PKNOX2: variants seen among roughly 807,000 people sequenced by gnomAD.
PKNOX2 encodes PBX/knotted 1 homeobox 2.
In PKNOX2, 14 loss-of-function variants were observed where a neutral mutation model predicts 53.1. The observed-to-expected ratio is 0.26, with a 90% CI of 0.17 to 0.41. PKNOX2 has a LOEUF of 0.41. Ranked by LOEUF, PKNOX2 falls within the 10% of genes least tolerant of loss-of-function variation. PKNOX2 has a pLI of 1.00. For missense variants in PKNOX2, 496 were observed against 602.8 expected (o/e 0.82, Z 1.85); for synonymous variants, 257 against 242.8 (o/e 1.06, Z -0.54).
chr11:125,286,586 G>T (rs1358988310), intron 2 of PKNOX2, among the ~76,000 whole-genome samples: 1 of 152,206 alleles, frequency 6.6e-6, no homozygotes, highest in East Asian at 1.9e-4. Flanking sequence ...CAGGGAGAAG[G>T]GGTGCTGAGC....
At chr11:125,237,841 C>T (rs117524134) in intron 2 of PKNOX2, among the ~76,000 whole-genome samples, 2 of 152,314 alleles carry the variant, frequency 1.3e-5, no homozygotes, top group East Asian at 1.9e-4. Flanking sequence ...CAGGACTCCA[C>T]AAGCCTTGAG....
intron 1 of PKNOX2, among the ~76,000 whole-genome samples, chr11:125,210,254 C>T (rs1031557605): frequency 6.6e-6 from 1 of 152,104 alleles, no homozygotes; most frequent in African/African-American, 2.4e-5. Flanking sequence ...CTGAATTTTG[C>T]TCTTTGTGTC....
rs201213983 is a variant in PKNOX2, at chr11:125,367,939, A to C, written c.181A>C (p.Ile61Leu). The C allele has an allele frequency of 1.3e-4, 207 of 1,613,270 alleles. 2 individuals are homozygous for C. In the Middle Eastern group the frequency reaches 1.8e-3, roughly 14 times the overall value. The change falls in exon 5 of 13, where the codon ATC becomes CTC. Residue 61 changes from isoleucine (I) to leucine (L), a missense_variant. Coordinates refer to ENST00000298282, the MANE Select transcript of PKNOX2 (RefSeq NM_001382323.2). ...AASTPVPSAP[I>L]DPQAQLEADK... Reference sequence around the variant, plus strand: ...CAGCACACCTGTGCCCAGTGCCCCCATCGACCCCCAGGCCCAGCTGGAGGC... The same window carrying C: ...CAGCACACCTGTGCCCAGTGCCCCCCTCGACCCCCAGGCCCAGCTGGAGGC...
intron 1 of PKNOX2, among the ~76,000 whole-genome samples, chr11:125,208,347 C>T (rs1203630512): frequency 6.6e-6 from 1 of 152,036 alleles, no homozygotes; most frequent in African/African-American, 2.4e-5. Flanking sequence ...GGGACCATGT[C>T]TTGGGAGGTT....
At chr11:125,403,352 G>C (rs1049628867) in intron 7 of PKNOX2, among the ~76,000 whole-genome samples, 1 of 152,128 alleles carries the variant, frequency 6.6e-6, no homozygotes, top group African/African-American at 2.4e-5. Context: ...GTCAGGGCTG[G>C]AGACACGCTG....
chr11:125,226,556 C>T (rs566667099), intron 1 of PKNOX2, among the ~76,000 whole-genome samples: 2 of 152,210 alleles, frequency 1.3e-5, no homozygotes, highest in South Asian at 2.1e-4. Context: ...CCTGTCTACA[C>T]CCTTTCCAAC....
In PKNOX2 at chr11:125,248,904, ACG is replaced by A. The variant is rs897244669; in HGVS notation, c.-130+13790_-130+13791del. Among the ~76,000 whole-genome samples, 132 of 117,982 alleles carry A rather than the reference ACG, an allele frequency of 1.1e-3. 1 individual carries two copies. The East Asian group carries it at 0.025, about 22-fold the overall frequency. The allele number at this position is 117,982 out of a possible 152,430, so 77.4% of individuals were successfully genotyped here. A position where few individuals can be genotyped will look rare whatever the true frequency, so the allele number is the denominator to read the frequency against. ...ATATATAACATATATAATATATATAACGTATATATATAACATATATAATATAC... is the reference window on the plus strand; with the variant it reads ...ATATATAACATATATAATATATATAATATATATATAACATATATAATATAC... On this transcript the variant is annotated intron_variant, in intron 2 of 12. Coordinates refer to ENST00000298282, the MANE Select transcript of PKNOX2 (RefSeq NM_001382323.2).
At chr11:125,262,791 T>A (rs1169141809) in intron 2 of PKNOX2, among the ~76,000 whole-genome samples, 2 of 152,106 alleles carry the variant, frequency 1.3e-5, no homozygotes, top group African/African-American at 4.8e-5. Flanking sequence ...TTTCTCTAAC[T>A]TTCTCTGCTT....
chr11:125,226,566 C>T (rs1447655652), intron 1 of PKNOX2, among the ~76,000 whole-genome samples: 1 of 152,122 alleles, frequency 6.6e-6, no homozygotes, highest in South Asian at 2.1e-4. Flanking sequence ...CCCTTTCCAA[C>T]ACGCCAAACC....
intron 6 of PKNOX2, among the ~76,000 whole-genome samples, chr11:125,397,570 T>C (rs1213398697): frequency 6.6e-6 from 1 of 152,244 alleles, no homozygotes; most frequent in Non-Finnish European, 1.5e-5. Context: ...GGCTTGGACC[T>C]GGCCTCCCAT....
intron 1 of PKNOX2, among the ~76,000 whole-genome samples, chr11:125,229,985 C>G (rs978742918): frequency 3.9e-5 from 6 of 152,184 alleles, no homozygotes; most frequent in African/African-American, 1.2e-4. Context: ...TAAGGTTAAC[C>G]CACCACTGCC....
intron 2 of PKNOX2, among the ~76,000 whole-genome samples, chr11:125,310,557 AC>A (rs1390789781): frequency 6.6e-6 from 1 of 152,088 alleles, no homozygotes; most frequent in Non-Finnish European, 1.5e-5. Flanking sequence ...ATTTTCATTA[AC>A]AAGTAATGCC....
chr11:125,381,682 G>A (rs899098271), intron 5 of PKNOX2, among the ~76,000 whole-genome samples: 1 of 152,044 alleles, frequency 6.6e-6, no homozygotes, highest in African/African-American at 2.4e-5. Context: ...GCTCTGTCAC[G>A]AGGCACCTCA....
chr11:125,255,927 A>T (rs537109994), intron 2 of PKNOX2, among the ~76,000 whole-genome samples: 1 of 151,942 alleles, frequency 6.6e-6, no homozygotes, highest in African/African-American at 2.4e-5. Flanking sequence ...AGGCTACCTC[A>T]GTTTTCACCA....
chr11:125,391,478 T>G (rs1159487689), intron 6 of PKNOX2, among the ~76,000 whole-genome samples: 1 of 152,216 alleles, frequency 6.6e-6, no homozygotes, highest in Non-Finnish European at 1.5e-5. Context: ...GGCTACTATA[T>G]GCCCAACACA....
chr11:125,417,142 C>T (rs959339765), intron 10 of PKNOX2, among the ~76,000 whole-genome samples: 2 of 152,028 alleles, frequency 1.3e-5, no homozygotes, highest in African/African-American at 2.4e-5. Flanking sequence ...GAGCCCATGG[C>T]AGAGAGTCCT....
intron 2 of PKNOX2, among the ~76,000 whole-genome samples, chr11:125,287,442 T>C (rs1591513381): frequency 6.6e-6 from 1 of 152,202 alleles, no homozygotes; most frequent in Admixed American, 6.5e-5. Context: ...GGAAAGGGCG[T>C]GCTAGCAGCC....
At chr11:125,365,239 C>T (rs978671607) in intron 4 of PKNOX2, among the ~76,000 whole-genome samples, 8 of 152,098 alleles carry the variant, frequency 5.3e-5, no homozygotes, top group Non-Finnish European at 1.0e-4. Context: ...CCATCCTGGC[C>T]GACCCTGCTT....
At chr11:125,368,314 C>T (rs1321585852) in intron 5 of PKNOX2, among the ~76,000 whole-genome samples, 1 of 152,190 alleles carries the variant, frequency 6.6e-6, no homozygotes, top group East Asian at 1.9e-4. Flanking sequence ...GCCCTGTGTC[C>T]TGTTGTTGCT....
Sources: allele counts gnomAD v4.1 joint callset (sites outside exome capture counted in the v4.1 genomes callset), GRCh38; gene constraint gnomAD v4.1.1; transcripts MANE v1.5; gene names NCBI Gene and HGNC (gene_info 2026-07-23, HGNC 2026-07-21).